Variants in ANXA4 observed in about 807,000 individuals in gnomAD.
ANXA4 encodes the protein annexin A4.
ANXA4 carries 39 observed loss-of-function variants against 49.8 expected under a neutral mutation model. The observed-to-expected ratio is 0.78, with a 90% CI of 0.61 to 1.02. The LOEUF (loss-of-function observed/expected upper bound fraction) is 1.02. Among genes scored for constraint, ANXA4 ranks in the 50% least tolerant of loss-of-function variants. The probability of loss-of-function intolerance (pLI) is 0.00; values close to 1 mark genes in which losing one functional copy is unlikely to be tolerated. For synonymous variants in ANXA4, 134 were observed against 152.5 expected (o/e 0.88, Z 0.89); for missense variants, 360 against 410.1 (o/e 0.88, Z 1.05).
At chr2:69,762,257 C>T (rs918561540) in intron 1 of ANXA4, among the ~76,000 whole-genome samples, 7 of 152,176 alleles carry the variant, frequency 4.6e-5, no homozygotes, top group South Asian at 2.1e-4. Flanking sequence ...CGAGGTGGCT[C>T]ATGCCTGTAG....
chr2:69,656,031 A>G (rs1676424919), intron 2 of ANXA4, among the ~76,000 whole-genome samples: 2 of 151,806 alleles, frequency 1.3e-5, no homozygotes, highest in South Asian at 4.2e-4. Context: ...GTCAGTGGGT[A>G]GGGAGCTAAG....
intron 6 of ANXA4, chr2:69,809,050 T>A (rs1331438478): frequency 2.0e-5 from 3 of 152,232 alleles, no homozygotes; most frequent in African/African-American, 2.4e-5. Context: ...ATCCCATTTT[T>A]AAAAAATTAA....
intron 12 of ANXA4, among the ~76,000 whole-genome samples, chr2:69,821,208 T>G (rs1340384642): frequency 6.6e-6 from 1 of 152,160 alleles, no homozygotes; most frequent in Non-Finnish European, 1.5e-5. Flanking sequence ...GAATTACTGT[T>G]CTTTACCAGG....
intron 11 of ANXA4, 77 bp downstream of exon 11, chr2:69,819,415 CT>C (rs1674137669): frequency 1.9e-6 from 2 of 1,064,388 alleles, no homozygotes; most frequent in South Asian, 2.9e-5. Flanking sequence ...CTTATATCCC[CT>C]ATCCAAACTT....
intron 2 of ANXA4, among the ~76,000 whole-genome samples, chr2:69,683,941 G>A (rs879153129): frequency 8.5e-5 from 13 of 152,158 alleles, no homozygotes; most frequent in Admixed American, 7.9e-4. Flanking sequence ...ATGCATAAGG[G>A]CAACTTAGAG....
intron 12 of ANXA4, among the ~76,000 whole-genome samples, chr2:69,823,270 C>T (rs930826635): frequency 6.6e-6 from 1 of 150,638 alleles, no homozygotes; most frequent in African/African-American, 2.4e-5. Flanking sequence ...TGTGTATACA[C>T]ACACACACCA....
intron 2 of ANXA4, among the ~76,000 whole-genome samples, chr2:69,785,217 A>T (rs138429033): frequency 1.9e-3 from 290 of 152,288 alleles, no homozygotes; most frequent in African/African-American, 6.5e-3. Context: ...GTACCTGAGG[A>T]CTTGGATGGG....
chr2:69,729,311 G>A (rs915420501), intron 3 of ANXA4, among the ~76,000 whole-genome samples: 4 of 152,088 alleles, frequency 2.6e-5, no homozygotes, highest in African/African-American at 9.7e-5. Flanking sequence ...CACCATGCAC[G>A]GCCCTCAATA....
chr2:69,801,134 T>C (rs1673175565), intron 3 of ANXA4, among the ~76,000 whole-genome samples: 1 of 152,192 alleles, frequency 6.6e-6, no homozygotes, highest in Non-Finnish European at 1.5e-5. Context: ...TGAGCTGTAC[T>C]GTATTGGTCA....
chr2:69,822,861 T>C (rs1573324775), intron 12 of ANXA4, among the ~76,000 whole-genome samples: 1 of 152,018 alleles, frequency 6.6e-6, no homozygotes, highest in African/African-American at 2.4e-5. Flanking sequence ...TTACATAACA[T>C]TGTAAAAGTA....
At chr2:69,697,886 T>C (rs1678207774) in intron 2 of ANXA4, among the ~76,000 whole-genome samples, 1 of 150,280 alleles carries the variant, frequency 6.7e-6, no homozygotes, top group Admixed American at 6.7e-5. Flanking sequence ...GGTTCATTCC[T>C]ATAACCTGAG....
chr2:69,693,172 T>C (rs1678031272), intron 2 of ANXA4, among the ~76,000 whole-genome samples: 1 of 152,200 alleles, frequency 6.6e-6, no homozygotes, highest in Non-Finnish European at 1.5e-5. Flanking sequence ...GAACCTCCCC[T>C]TTTTTGTTGC....
Position 69,805,132 on chromosome 2 carries a change from ACCCATTCCAGGAGG to A in ANXA4, c.192+506_192+519del, listed in dbSNP as rs1338412623. On this transcript the variant is annotated intron_variant, in intron 4 of 12. Transcript: ENST00000394295. ...CTTAAACAAGTTCTTAAACTCTCTG[ACCCATTCCAGGAGG>A]AAATGTGAATAAACATCTTTAGAAT... Among the ~76,000 whole-genome samples the A allele has an allele frequency of 6.5e-3, 983 of 151,220 alleles. 15 individuals carry two copies. The highest frequency in any genetic ancestry group is 0.023 in the African/African-American group (940 of 41,124).
chr2:69,769,855 G>T (rs1246440895), intron 1 of ANXA4, among the ~76,000 whole-genome samples: 1 of 152,120 alleles, frequency 6.6e-6, no homozygotes, highest in African/African-American at 2.4e-5. Flanking sequence ...TAGAGATGGG[G>T]TTTCCTCATG....
At chr2:69,777,157 C>T (rs1404093003) in intron 1 of ANXA4, among the ~76,000 whole-genome samples, 1 of 152,202 alleles carries the variant, frequency 6.6e-6, no homozygotes, top group Non-Finnish European at 1.5e-5. Context: ...CACGTCTTCC[C>T]AGCACCTCCA....
Position 69,659,720 on chromosome 2 carries a change from A to C in ANXA4, n.766+6438A>C, listed in dbSNP as rs77991360. ...AGGATTGCTTGAGGCCAGGAGCTTG[A>C]GACCAGTCTGGGCAACATGATGAGA... On this transcript the variant is annotated intron_variant and non_coding_transcript_variant, in intron 2 of 3. Coordinates refer to the ANXA4 transcript ENST00000418066. 4.4e-3 allele frequency among the ~76,000 whole-genome samples: 674 copies of C among 152,344 alleles called. 3 individuals are homozygous for C. The highest frequency in any genetic ancestry group is 7.8e-3 in the Non-Finnish European group (532 of 68,022).
intron 3 of ANXA4, 60 bp downstream of exon 3, chr2:69,788,201 G>A (rs1672497985): frequency 6.7e-7 from 1 of 1,485,528 alleles, no homozygotes; most frequent in Non-Finnish European, 9.4e-7. Context: ...GGGTCACACA[G>A]GAGGGTGCCA....
At chr2:69,711,067 C>T (rs1464668933) in intron 2 of ANXA4, among the ~76,000 whole-genome samples, 1 of 152,058 alleles carries the variant, frequency 6.6e-6, no homozygotes, top group Non-Finnish European at 1.5e-5. Context: ...TGGTTGCTCA[C>T]ACCTGTAATC....
intron 1 of ANXA4, among the ~76,000 whole-genome samples, chr2:69,769,232 A>G (rs925617376): frequency 5.9e-5 from 9 of 151,656 alleles, no homozygotes; most frequent in Admixed American, 5.3e-4. Flanking sequence ...GGATTAAACT[A>G]TCAACATGTG....
Sources: gnomAD v4.1 joint callset for allele counts (sites outside exome capture counted in the v4.1 genomes callset) on GRCh38, gnomAD v4.1.1 for gene constraint, MANE v1.5 for transcripts, NCBI Gene and HGNC (gene_info 2026-07-23, HGNC 2026-07-21) for gene names.